The following KCNIP4 variants were observed in gnomAD, a reference collection of about 807,000 sequenced individuals.
KCNIP4 encodes the protein potassium voltage-gated channel interacting protein 4, also known as Kv channel-interacting protein 4.
KCNIP4 carries 12 observed loss-of-function variants against 34.0 expected under a neutral mutation model. That is an observed-to-expected ratio of 0.35 (90% CI 0.23 to 0.57). The LOEUF (loss-of-function observed/expected upper bound fraction) is 0.57, where lower values mean the gene tolerates loss of function less well. Among genes scored for constraint, KCNIP4 ranks in the 20% least tolerant of loss-of-function variants. The pLI, the probability that KCNIP4 is intolerant of heterozygous loss-of-function variation, is 0.83. For missense variants in KCNIP4, 238 were observed against 311.7 expected, an observed-to-expected ratio of 0.76 and a Z score of 1.78; for synonymous variants, 124 against 102.2, an observed-to-expected ratio of 1.21 and a Z score of -1.29.
At chr4:21,549,309 T>A (rs6813304) in intron 1 of KCNIP4, among the ~76,000 whole-genome samples, 5,432 of 152,088 alleles carry the variant, frequency 0.036, 95 homozygotes, top group East Asian at 0.05. Context: ...AATCTCATGT[T>A]GAAATGTGAT....
intron 1 of KCNIP4, among the ~76,000 whole-genome samples, chr4:21,101,696 C>T (rs1747956427): frequency 6.6e-6 from 1 of 152,080 alleles, no homozygotes; most frequent in African/African-American, 2.4e-5. Flanking sequence ...AAATTATACA[C>T]TTAAAACACG....
intron 1 of KCNIP4, among the ~76,000 whole-genome samples, chr4:21,119,434 T>C (rs957861286): frequency 6.9e-6 from 1 of 144,006 alleles, no homozygotes; most frequent in Admixed American, 6.9e-5. Context: ...CACTGATGTC[T>C]GTGGGTTGGG....
chr4:20,735,925 G>A (rs1749522080), intron 5 of KCNIP4, among the ~76,000 whole-genome samples: 1 of 152,154 alleles, frequency 6.6e-6, no homozygotes, highest in Admixed American at 6.6e-5. Flanking sequence ...GAAAGCAGAG[G>A]GGAAATCCAA....
intron 3 of KCNIP4, among the ~76,000 whole-genome samples, chr4:20,849,124 G>A (rs1295428610): frequency 1.3e-5 from 2 of 152,114 alleles, no homozygotes; most frequent in Admixed American, 6.6e-5. Context: ...TTATTTGTAT[G>A]TATTGTCTTG....
chr4:21,447,984 C>G (rs1182000031), intron 1 of KCNIP4, among the ~76,000 whole-genome samples: 2 of 151,862 alleles, frequency 1.3e-5, no homozygotes, highest in Admixed American at 6.6e-5. Flanking sequence ...TATTTTGGAC[C>G]AGGTTGACCA....
intron 1 of KCNIP4, among the ~76,000 whole-genome samples, chr4:20,968,243 G>C (rs1054912198): frequency 5.9e-5 from 9 of 152,156 alleles, no homozygotes; most frequent in Non-Finnish European, 1.0e-4. Flanking sequence ...TCTCACACCA[G>C]TTAGAATGGT....
intron 1 of KCNIP4, among the ~76,000 whole-genome samples, chr4:21,221,915 G>T (rs1245790808): frequency 6.6e-6 from 1 of 152,138 alleles, no homozygotes; most frequent in East Asian, 1.9e-4. Context: ...TCCTGTTCCT[G>T]TTCTTTTTTA....
chr4:21,239,445 A>G (rs2109045152), intron 1 of KCNIP4, among the ~76,000 whole-genome samples: 1 of 151,860 alleles, frequency 6.6e-6, no homozygotes, highest in East Asian at 1.9e-4. Context: ...GGCAACCTAC[A>G]GAATGGGAGA....
At chr4:20,854,872 A>G (rs1327438531) in intron 2 of KCNIP4, among the ~76,000 whole-genome samples, 1 of 152,134 alleles carries the variant, frequency 6.6e-6, no homozygotes, top group Non-Finnish European at 1.5e-5. Context: ...GCTTTAAAAT[A>G]TTGTACTTTG....
chr4:21,538,622 A>G (rs993145320), intron 1 of KCNIP4, among the ~76,000 whole-genome samples: 2 of 152,096 alleles, frequency 1.3e-5, no homozygotes, highest in African/African-American at 4.8e-5. Context: ...CCAATATTTT[A>G]TGCCCCATGC....
intron 1 of KCNIP4, among the ~76,000 whole-genome samples, chr4:21,715,623 T>A (rs2109086595): frequency 6.6e-6 from 1 of 152,342 alleles, no homozygotes; most frequent in Non-Finnish European, 1.5e-5. Flanking sequence ...ATAAATTATT[T>A]TCAACACAGT....
At chr4:21,112,050 T>TATCTATCTATCTATCTATCCATCC (rs1553940047) in intron 1 of KCNIP4, among the ~76,000 whole-genome samples, 11 of 151,754 alleles carry the variant, frequency 7.2e-5, no homozygotes, top group Non-Finnish European at 1.6e-4. Context: ...TCTATCTATC[T>TATCTATCTATCTATCTATCCATCC]ATCTATCTAT....
chr4:21,864,522 G>GA (rs1725302265), intron 1 of KCNIP4, among the ~76,000 whole-genome samples: 2 of 152,162 alleles, frequency 1.3e-5, no homozygotes, highest in African/African-American at 4.8e-5. Flanking sequence ...CTGCCAGACT[G>GA]AAAAATCTCA....
chr4:21,308,586 A>G (rs1252913278), intron 1 of KCNIP4, among the ~76,000 whole-genome samples: 2 of 152,194 alleles, frequency 1.3e-5, no homozygotes, highest in East Asian at 1.9e-4. Flanking sequence ...GAATACCCAA[A>G]GCATTCAATG....
chr4:21,319,095 A>G (rs1286164369), intron 1 of KCNIP4, among the ~76,000 whole-genome samples: 1 of 152,198 alleles, frequency 6.6e-6, no homozygotes, highest in Non-Finnish European at 1.5e-5. Flanking sequence ...AATACATTCA[A>G]CGAGGCGCGA....
At chr4:21,872,863 A>C (rs1002002503) in intron 1 of KCNIP4, among the ~76,000 whole-genome samples, 2 of 152,222 alleles carry the variant, frequency 1.3e-5, no homozygotes, top group African/African-American at 4.8e-5. Context: ...CTATGAAGCC[A>C]GTATAGAACA....
chr4:21,760,137 G>T (rs1349452127), intron 1 of KCNIP4, among the ~76,000 whole-genome samples: 2 of 151,992 alleles, frequency 1.3e-5, no homozygotes, highest in Non-Finnish European at 2.9e-5. Flanking sequence ...ATTACTCATG[G>T]TTTTCTTTGC....
At chr4:21,013,898 C>A (rs190425390) in intron 1 of KCNIP4, among the ~76,000 whole-genome samples, 2 of 152,130 alleles carry the variant, frequency 1.3e-5, no homozygotes, top group Non-Finnish European at 2.9e-5. Flanking sequence ...CTTTGAAACT[C>A]TTTACCTTGT....
At chr4:21,488,789 A>T (rs977145763) in intron 1 of KCNIP4, among the ~76,000 whole-genome samples, 1 of 152,098 alleles carries the variant, frequency 6.6e-6, no homozygotes, top group African/African-American at 2.4e-5. Context: ...TGATTAATCA[A>T]ACTGTCAGAG....
Sources: gnomAD v4.1 joint callset for allele counts (sites outside exome capture counted in the v4.1 genomes callset) on GRCh38, gnomAD v4.1.1 for gene constraint, MANE v1.5 for transcripts, NCBI Gene and HGNC (gene_info 2026-07-23, HGNC 2026-07-21) for gene names.